The following ATRNL1 variants were observed in gnomAD, a reference collection of about 807,000 sequenced individuals.
ATRNL1 encodes attractin like 1, also known as attractin-like protein 1.
Under a neutral mutation model 182.7 loss-of-function variants are expected in ATRNL1, and 95 were observed. The ratio of observed to expected loss-of-function variants is 0.52; its 90% CI spans 0.44 to 0.62. The LOEUF (loss-of-function observed/expected upper bound fraction) is 0.62. Among genes scored for constraint, ATRNL1 ranks in the 20% least tolerant of loss-of-function variants. ATRNL1 has a pLI of 0.00. For missense variants in ATRNL1, 1,471 were observed against 1,679.5 expected (o/e 0.88, Z 2.17); for synonymous variants, 576 against 568.3 (o/e 1.01, Z -0.19).
At chr10:115,431,164 T>C (rs933114700) in intron 21 of ATRNL1, among the ~76,000 whole-genome samples, 6 of 152,096 alleles carry the variant, frequency 3.9e-5, no homozygotes, top group African/African-American at 1.2e-4. Flanking sequence ...GCCAACACTT[T>C]GGGAGGCCGA....
intron 18 of ATRNL1, 119 bp downstream of exon 18, chr10:115,315,855 A>C (rs562573927): frequency 1.3e-6 from 1 of 766,072 alleles, no homozygotes; most frequent in African/African-American, 1.8e-5. Context: ...AAATGAGACT[A>C]AAATGTCAAA....
chr10:115,301,996 C>A lies in ATRNL1; in HGVS notation c.2771C>A (p.Ser924Tyr). ...RCVDSNAYIISFPYGQCLEWQ... is the reference protein window; with the variant it reads ...RCVDSNAYIIYFPYGQCLEWQ... ...GTTGACTCTAATGCCTATATCATCT[C>A]TTTTCCATATGGACAATGTCTAGAG... Residue 924 changes from serine (S) to tyrosine (Y), a missense_variant, in exon 17 of 29, where the codon TCT becomes TAT. By Grantham distance (144) the Ser-to-Tyr change is moderately radical. Around this residue, in one of 3 missense-constraint regions of ATRNL1, gnomAD observed 1,031 missense variants for 1,156.0 expected, o/e 0.89. Transcript: ENST00000355044. The A allele has an allele frequency of 6.2e-7, 1 of 1,614,042 alleles. No individual in the cohort carries two copies. Among genetic ancestry groups the A allele is most frequent in the Non-Finnish European group, 8.5e-7 (1 of 1,179,918 alleles).
chr10:115,169,206 CTTT>C (rs781950574), intron 7 of ATRNL1, among the ~76,000 whole-genome samples: 4 of 125,938 alleles, frequency 3.2e-5, no homozygotes, highest in Non-Finnish European at 1.7e-5. Context: ...GTTTTGATTA[CTTT>C]TTTTTTTTTT....
chr10:115,759,719 C>T (rs1465631099), intron 27 of ATRNL1, among the ~76,000 whole-genome samples: 2 of 151,036 alleles, frequency 1.3e-5, no homozygotes, highest in South Asian at 2.1e-4. Context: ...CCTGTCGCCC[C>T]GGCTGGAGTG....
intron 26 of ATRNL1, among the ~76,000 whole-genome samples, chr10:115,565,367 G>A (rs1352163762): frequency 2.0e-5 from 3 of 151,932 alleles, no homozygotes; most frequent in African/African-American, 7.2e-5. Context: ...AAAGGCTTCT[G>A]CTACTTTTTC....
intron 26 of ATRNL1, among the ~76,000 whole-genome samples, chr10:115,658,317 G>A (rs1348859653): frequency 6.6e-6 from 1 of 151,194 alleles, no homozygotes; most frequent in African/African-American, 2.4e-5. Flanking sequence ...ATCTATATAT[G>A]AGTCTACTCA....
At chr10:115,782,588 T>C (rs1555079550) in intron 27 of ATRNL1, among the ~76,000 whole-genome samples, 3 of 152,196 alleles carry the variant, frequency 2.0e-5, no homozygotes, top group Non-Finnish European at 2.9e-5. Context: ...TCCTACAGCA[T>C]GACTCTTCAG....
intron 26 of ATRNL1, among the ~76,000 whole-genome samples, chr10:115,678,271 T>C (rs782752174): frequency 6.6e-6 from 1 of 152,156 alleles, no homozygotes; most frequent in African/African-American, 2.4e-5. Flanking sequence ...TTTACACCAC[T>C]GTACATGTGC....
intron 27 of ATRNL1, among the ~76,000 whole-genome samples, chr10:115,771,722 T>C (rs972939435): frequency 1.3e-5 from 2 of 152,212 alleles, no homozygotes; most frequent in South Asian, 4.1e-4. Flanking sequence ...CTCTTCCAAA[T>C]AGTTAAAAAC....
At chr10:115,757,758 C>T (rs1184220384) in intron 27 of ATRNL1, among the ~76,000 whole-genome samples, 2 of 152,086 alleles carry the variant, frequency 1.3e-5, no homozygotes, top group African/African-American at 4.8e-5. Flanking sequence ...GAGTGTTTTC[C>T]AACTCGGTTC....
intron 8 of ATRNL1, among the ~76,000 whole-genome samples, chr10:115,194,274 C>T (rs1339834287): frequency 6.6e-6 from 1 of 151,898 alleles, no homozygotes; most frequent in Non-Finnish European, 1.5e-5. Flanking sequence ...GATGATCTGT[C>T]CAATCCTAAA....
intron 12 of ATRNL1, 149 bp downstream of exon 12, chr10:115,267,154 G>A (rs1851642439): frequency 3.6e-6 from 2 of 563,312 alleles, no homozygotes; most frequent in East Asian, 2.9e-5. Context: ...TTTGAACCTA[G>A]TGATTAATAA....
intron 20 of ATRNL1, among the ~76,000 whole-genome samples, chr10:115,405,739 C>T (rs1039919063): frequency 2.6e-5 from 4 of 151,548 alleles, no homozygotes; most frequent in African/African-American, 4.9e-5. Context: ...ACGTGCACAA[C>T]GTGCAGGTTA....
chr10:115,537,846 G>A (rs1412511085), intron 25 of ATRNL1, among the ~76,000 whole-genome samples: 1 of 152,024 alleles, frequency 6.6e-6, no homozygotes, highest in Non-Finnish European at 1.5e-5. Flanking sequence ...CAATGCCAAA[G>A]CCCCAGTGAA....
At position 115,215,700 on chromosome 10, in the gene ATRNL1, C is replaced by T. The variant is rs782814889; in HGVS notation, c.1352C>T (p.Ser451Leu). 1 of 1,590,092 alleles carries T rather than the reference C, an allele frequency of 6.3e-7. No individual in the cohort carries two copies. The highest frequency in any genetic ancestry group is 8.5e-7 in the Non-Finnish European group (1 of 1,172,026). The change falls in exon 9 of 29, where the codon TCA (serine) becomes TTA (leucine). Residue 451 changes from serine (S) to leucine (L), a missense_variant. Around this residue, in one of 3 missense-constraint regions of ATRNL1, gnomAD observed 1,031 missense variants for 1,156.0 expected, o/e 0.89. Transcript: ENST00000355044. The part of the protein sequence containing the change: ...TSSIQEYHIS[S>L]NTWLVPETKG... ...ATGTATTTTATTTCTGTTACAGCAT[C>T]AAACACTTGGCTTGTTCCAGAAACT...
chr10:115,834,909 A>T (rs1459454666), intron 27 of ATRNL1, among the ~76,000 whole-genome samples: 1 of 152,206 alleles, frequency 6.6e-6, no homozygotes, highest in Non-Finnish European at 1.5e-5. Flanking sequence ...CTAAGATGAC[A>T]TATTCATGTT....
In ATRNL1 at chr10:115,533,165, T is replaced by G. The variant is rs1262799237; in HGVS notation, c.3716+13841T>G. Among the ~76,000 whole-genome samples the G allele has an allele frequency of 3.3e-5, 5 of 152,252 alleles. No homozygotes were observed. In the East Asian group the frequency reaches 9.6e-4, roughly 29 times the overall value. On this transcript the variant is annotated intron_variant, in intron 25 of 28. Transcript: ENST00000355044. Reference sequence around the variant, plus strand: ...TCTTTTTCTATTGATTGGAATAGTTTCAGAAGGAATGGTACCAGTTCCTCC... The same window carrying G: ...TCTTTTTCTATTGATTGGAATAGTTGCAGAAGGAATGGTACCAGTTCCTCC...
chr10:115,649,001 A>G (rs1450589909), intron 26 of ATRNL1, among the ~76,000 whole-genome samples: 3 of 152,040 alleles, frequency 2.0e-5, no homozygotes, highest in Non-Finnish European at 4.4e-5. Context: ...GAATCACTTA[A>G]TTTCTCTGAG....
intron 27 of ATRNL1, among the ~76,000 whole-genome samples, chr10:115,840,873 C>G (rs1444916148): frequency 6.6e-6 from 1 of 151,830 alleles, no homozygotes; most frequent in Middle Eastern, 3.2e-3. Flanking sequence ...TGGGCATGAG[C>G]AAGATGGGAA....
Sources: gnomAD v4.1 joint callset for allele counts (sites outside exome capture counted in the v4.1 genomes callset) on GRCh38, gnomAD v4.1.1 for gene constraint, gnomAD v4.1.1 regional missense constraint, MANE v1.5 for transcripts, NCBI Gene and HGNC (gene_info 2026-07-23, HGNC 2026-07-21) for gene names.